Variants in PLAC1 observed in about 807,000 individuals in gnomAD.
The protein encoded by PLAC1 is placenta-specific protein 1.
For synonymous variants in PLAC1, 68 were observed against 62.1 expected (o/e 1.09, Z -0.44); for missense variants, 136 against 163.2 (o/e 0.83, Z 0.91).
rs149475019 is a variant in PLAC1 at position 134,721,174 on chromosome X, G to T, written n.174+12261C>A. 7.3e-4 allele frequency among the ~76,000 whole-genome samples: 82 copies of T among 112,522 alleles called. 1 individual carries two copies. Among genetic ancestry groups the T allele is most frequent in the African/African-American group, 2.6e-3 (80 of 31,028 alleles). ...TTTCTCCAAAGAAGATATACAAATG[G>T]CCAATAAGTACACGAAAAGATGCTC... On this transcript the variant is annotated intron_variant and non_coding_transcript_variant, in intron 2 of 2. Coordinates refer to the PLAC1 transcript ENST00000466797.
chrX:134,698,205 A>C (rs2147825677), intron 2 of PLAC1, among the ~76,000 whole-genome samples: 1 of 111,365 alleles, frequency 9.0e-6, no homozygotes, highest in Admixed American at 9.6e-5. Flanking sequence ...TAATCCCTGC[A>C]TTTTGGGAGG....
rs1256740385 is a variant in PLAC1 at position 134,748,413 on chromosome X, C to T, written n.90-14894G>A. The stretch of plus-strand genomic sequence containing the variant: ...TTTACATCTAATTGTTCTCGAATTG[C>T]TTTAGAAGCTTCAGATCTGTAAACC... On this transcript the variant is annotated intron_variant and non_coding_transcript_variant, in intron 1 of 2. Coordinates refer to the PLAC1 transcript ENST00000466797. 2.7e-5 allele frequency among the ~76,000 whole-genome samples: 3 copies of T among 110,459 alleles called. No homozygotes were observed. The Admixed American group carries it at 2.9e-4, about 11-fold the overall frequency.
chrX:134,642,484 A>C lies in PLAC1; in HGVS notation c.-131+15844T>G, dbSNP rs146671908. Reference sequence around the variant, plus strand: ...TGAACCAGACACGGTCCCTGCCCTCAAGGAATTTGCAGTCTAATAGGGAAG... The same window carrying C: ...TGAACCAGACACGGTCCCTGCCCTCCAGGAATTTGCAGTCTAATAGGGAAG... On this transcript the variant is annotated intron_variant, in intron 1 of 2. Coordinates refer to ENST00000359237, the MANE Select transcript of PLAC1 (RefSeq NM_021796.4). Among the ~76,000 whole-genome samples the C allele has an allele frequency of 3.1e-3, 344 of 111,086 alleles. 2 individuals are homozygous for C. Among genetic ancestry groups the C allele is most frequent in the African/African-American group, 0.011 (336 of 30,561 alleles).
intron 2 of PLAC1, among the ~76,000 whole-genome samples, chrX:134,587,641 G>A (rs1400409213): frequency 9.0e-6 from 1 of 110,823 alleles, no homozygotes; most frequent in Non-Finnish European, 1.9e-5. Context: ...GGGAGGCGTA[G>A]CCCTTTAAAT....
chrX:134,565,871 G>T lies in PLAC1; in HGVS notation c.*173C>A. The T allele has an allele frequency of 2.5e-6, 1 of 405,141 alleles. No individual in the cohort carries two copies. Among genetic ancestry groups the T allele is most frequent in the Non-Finnish European group, 4.2e-6 (1 of 237,226 alleles). 33.4% of individuals were successfully genotyped at this position (405,141 alleles called of 1,213,427 possible). A position where few individuals can be genotyped will look rare whatever the true frequency, so the allele number is the denominator to read the frequency against. On this transcript the variant is annotated 3_prime_UTR_variant, in exon 3 of 3. Coordinates refer to ENST00000359237, the MANE Select transcript of PLAC1 (RefSeq NM_021796.4). ...CGATCAGAATTTTATTTTATTTTTT[G>T]TTTACACATGAATATAAAAATATAG...
intron 2 of PLAC1, among the ~76,000 whole-genome samples, chrX:134,568,529 C>T (rs1459655547): frequency 8.9e-6 from 1 of 111,823 alleles, no homozygotes; most frequent in Non-Finnish European, 1.9e-5. Flanking sequence ...CTCATTCTCT[C>T]AGGGGTGTTG....
At chrX:134,631,437 C>T (rs1316624029) in intron 1 of PLAC1, among the ~76,000 whole-genome samples, 1 of 112,103 alleles carries the variant, frequency 8.9e-6, no homozygotes, top group African/African-American at 3.2e-5. Flanking sequence ...TGGCCCTACT[C>T]TTGAAAAAGG....
chrX:134,687,305 C>T (rs1248466491), intron 2 of PLAC1, among the ~76,000 whole-genome samples: 1 of 111,777 alleles, frequency 8.9e-6, no homozygotes, highest in African/African-American at 3.3e-5. Context: ...ACTCACAGTT[C>T]GTGGGCCACA....
chrX:134,723,590 G>C (rs1449314860), intron 2 of PLAC1, among the ~76,000 whole-genome samples: 2 of 111,115 alleles, frequency 1.8e-5, no homozygotes, highest in African/African-American at 6.6e-5. Flanking sequence ...TGAGATTACA[G>C]ACATGAGCCC....
chrX:134,698,848 G>T (rs1369446321), intron 2 of PLAC1, among the ~76,000 whole-genome samples: 3 of 111,130 alleles, frequency 2.7e-5, no homozygotes, highest in African/African-American at 9.8e-5. Context: ...GTGACCAGAA[G>T]AGAACCCTTA....
intron 2 of PLAC1, among the ~76,000 whole-genome samples, chrX:134,670,739 T>TA (rs1232544548): frequency 8.9e-6 from 1 of 112,156 alleles, no homozygotes; most frequent in Non-Finnish European, 1.9e-5. Flanking sequence ...GGAGATGCCT[T>TA]AGCTCATGCA....
intron 2 of PLAC1, among the ~76,000 whole-genome samples, chrX:134,568,312 G>A (rs1160027268): frequency 3.5e-5 from 4 of 112,862 alleles, no homozygotes; most frequent in Admixed American, 9.3e-5. Context: ...GCCAAAAAAC[G>A]TCCCAAGACA....
chrX:134,745,392 C>G (rs1016252986), intron 1 of PLAC1, among the ~76,000 whole-genome samples: 1 of 111,757 alleles, frequency 8.9e-6, no homozygotes, highest in African/African-American at 3.3e-5. Context: ...CCAAGATTGG[C>G]TCAGACTAAT....
At chrX:134,715,269 TA>T (rs1569410185) in intron 2 of PLAC1, among the ~76,000 whole-genome samples, 1 of 111,360 alleles carries the variant, frequency 9.0e-6, no homozygotes, top group Non-Finnish European at 1.9e-5. Context: ...AAGCCCACTC[TA>T]AACCACCACT....
intron 2 of PLAC1, among the ~76,000 whole-genome samples, chrX:134,715,141 C>T (rs1478722644): frequency 9.0e-6 from 1 of 111,630 alleles, no homozygotes; most frequent in Non-Finnish European, 1.9e-5. Context: ...AGGTGTTATC[C>T]TCATTTGACA....
At chrX:134,680,530 GAACTAAACTAAACTGAACTA>G (rs1223799214) in intron 2 of PLAC1, among the ~76,000 whole-genome samples, 2 of 96,100 alleles carry the variant, frequency 2.1e-5, no homozygotes, top group African/African-American at 8.0e-5. Context: ...AAACTAAACT[GAACTAAACTAAACTGAACTA>G]AACTAAACTA....
intron 1 of PLAC1, among the ~76,000 whole-genome samples, chrX:134,748,068 G>A (rs927864434): frequency 2.7e-5 from 3 of 112,044 alleles, no homozygotes; most frequent in African/African-American, 9.7e-5. Context: ...AGTGGCTCAC[G>A]CCTGTAATCC....
intron 2 of PLAC1, among the ~76,000 whole-genome samples, chrX:134,673,515 C>G (rs2078463317): frequency 9.2e-6 from 1 of 109,131 alleles, no homozygotes; most frequent in African/African-American, 3.4e-5. Context: ...ATCATAGTCT[C>G]AATTTTTTTT....
chrX:134,744,731 C>T (rs998533597), intron 1 of PLAC1, among the ~76,000 whole-genome samples: 2 of 111,631 alleles, frequency 1.8e-5, no homozygotes, highest in Admixed American at 1.9e-4. Context: ...TTACAAGCTA[C>T]GTGACTTTGG....
Sources: allele counts gnomAD v4.1 joint callset (sites outside exome capture counted in the v4.1 genomes callset), GRCh38; gene constraint gnomAD v4.1.1; transcripts MANE v1.5; gene names NCBI Gene and HGNC (gene_info 2026-07-23, HGNC 2026-07-21).